MSI2: variants seen among roughly 807,000 people sequenced by gnomAD.
MSI2 encodes RNA-binding protein Musashi homolog 2.
In MSI2, 17 loss-of-function variants were observed where a neutral mutation model predicts 45.6. That is an observed-to-expected ratio of 0.37 (90% CI 0.26 to 0.56). The LOEUF is 0.56. Ranked by LOEUF, MSI2 falls within the 20% of genes least tolerant of loss-of-function variation. The probability of loss-of-function intolerance (pLI) is 0.77; values close to 1 mark genes in which losing one functional copy is unlikely to be tolerated. For synonymous variants in MSI2, 156 were observed against 158.2 expected (o/e 0.99, Z 0.11); for missense variants, 293 against 444.2 (o/e 0.66, Z 3.06).
At chr17:57,456,355 A>G (rs1292592797) in intron 6 of MSI2, among the ~76,000 whole-genome samples, 1 of 152,202 alleles carries the variant, frequency 6.6e-6, no homozygotes, top group Admixed American at 6.5e-5. Context: ...CACGCCTATA[A>G]TCCCAGCACT....
intron 6 of MSI2, among the ~76,000 whole-genome samples, chr17:57,439,881 T>G (rs1193398635): frequency 6.6e-6 from 1 of 151,988 alleles, no homozygotes; most frequent in African/African-American, 2.4e-5. Context: ...AGGGGAAAAT[T>G]GAAACAATGA....
chr17:57,649,299 AACAC>A (rs538925325), intron 10 of MSI2, among the ~76,000 whole-genome samples: 74 of 151,900 alleles, frequency 4.9e-4, no homozygotes, highest in African/African-American at 1.7e-3. Flanking sequence ...CAACAAACAC[AACAC>A]ACACAACACA....
chr17:57,363,026 T>G (rs578155583), intron 5 of MSI2, among the ~76,000 whole-genome samples: 6 of 152,288 alleles, frequency 3.9e-5, no homozygotes, highest in African/African-American at 1.4e-4. Context: ...ACATGAGAGA[T>G]TTGGAGGCAG....
chr17:57,614,348 C>T (rs910165909), intron 8 of MSI2, among the ~76,000 whole-genome samples: 3 of 152,276 alleles, frequency 2.0e-5, no homozygotes, highest in East Asian at 3.9e-4. Flanking sequence ...CCACCACGTC[C>T]GGCCTAGAGG....
At chr17:57,585,443 G>T (rs2088320258) in intron 7 of MSI2, among the ~76,000 whole-genome samples, 1 of 152,190 alleles carries the variant, frequency 6.6e-6, no homozygotes, top group Admixed American at 6.5e-5. Flanking sequence ...CACAGAGGAG[G>T]ATACCAAGGG....
At chr17:57,697,620 G>A in the MSI2 span, among the ~76,000 whole-genome samples, 3 of 152,168 alleles carry the variant, frequency 2.0e-5, no homozygotes, top group Admixed American at 2.0e-4. Flanking sequence ...AAGAAAAAGA[G>A]TTTTAAATGG....
At chr17:57,661,745 A>T (rs1289708249) in intron 11 of MSI2, among the ~76,000 whole-genome samples, 1 of 152,122 alleles carries the variant, frequency 6.6e-6, no homozygotes, top group East Asian at 1.9e-4. Flanking sequence ...ATTGTTTCCC[A>T]TTCCTTTGCC....
chr17:57,411,258 C>G (rs1158798748), intron 6 of MSI2, among the ~76,000 whole-genome samples: 1 of 152,210 alleles, frequency 6.6e-6, no homozygotes, highest in Non-Finnish European at 1.5e-5. Flanking sequence ...CTGCCTGCCT[C>G]AGCCTCCCAA....
At chr17:57,410,008 CAAA>C (rs59098048) in intron 6 of MSI2, among the ~76,000 whole-genome samples, 1,715 of 61,704 alleles carry the variant, frequency 0.028, 103 homozygotes, top group Middle Eastern at 0.098. Flanking sequence ...ACTCTGTCTC[CAAA>C]AAAAAAAAAA....
upstream of MSI2, among the ~76,000 whole-genome samples, chr17:57,256,210 C>T (rs1017243971): frequency 2.6e-5 from 4 of 152,112 alleles, no homozygotes; most frequent in Admixed American, 1.3e-4. Flanking sequence ...CCGCCCCCCG[C>T]AGCCCATGTG....
At chr17:57,281,969 C>T (rs944116187) in intron 5 of MSI2, among the ~76,000 whole-genome samples, 5 of 152,146 alleles carry the variant, frequency 3.3e-5, no homozygotes, top group African/African-American at 7.2e-5. Context: ...TTATGTGCAG[C>T]GAGGTTGGAG....
intron 6 of MSI2, among the ~76,000 whole-genome samples, chr17:57,452,491 C>T (rs1016787140): frequency 6.6e-6 from 1 of 152,196 alleles, no homozygotes; most frequent in South Asian, 2.1e-4. Context: ...TTAGTGGGTC[C>T]TGGACTCGTG....
intron 5 of MSI2, among the ~76,000 whole-genome samples, chr17:57,299,127 A>G (rs966078501): frequency 2.0e-5 from 3 of 152,218 alleles, no homozygotes; most frequent in Non-Finnish European, 4.4e-5. Context: ...CAGCCCTCAT[A>G]GAATTGAAGA....
At chr17:57,684,946 T>C (rs569823544), downstream of MSI2, among the ~76,000 whole-genome samples, 2 of 151,538 alleles carry the variant, frequency 1.3e-5, no homozygotes, top group Admixed American at 6.6e-5. Flanking sequence ...CAGCAGAAGG[T>C]ACACAGAACC....
intron 11 of MSI2, among the ~76,000 whole-genome samples, chr17:57,665,514 T>G (rs1235841209): frequency 6.6e-6 from 1 of 152,204 alleles, no homozygotes; most frequent in Non-Finnish European, 1.5e-5. Flanking sequence ...CTCCTGTGCT[T>G]TTATAATTAT....
chr17:57,295,925 A>G (rs1158378944), intron 5 of MSI2, among the ~76,000 whole-genome samples: 1 of 150,780 alleles, frequency 6.6e-6, no homozygotes, highest in African/African-American at 2.5e-5. Context: ...TCTTTCTAAA[A>G]GAATCTCATG....
chr17:57,396,894 T>C (rs1374690243), intron 5 of MSI2, among the ~76,000 whole-genome samples: 1 of 152,156 alleles, frequency 6.6e-6, no homozygotes, highest in East Asian at 1.9e-4. Context: ...GAGGGGGCTG[T>C]CCCCACATGG....
intron 6 of MSI2, among the ~76,000 whole-genome samples, chr17:57,471,420 A>G (rs1237062253): frequency 6.6e-6 from 1 of 151,154 alleles, no homozygotes; most frequent in Non-Finnish European, 1.5e-5. Flanking sequence ...CCGCCTGAGT[A>G]GCTGGGATTA....
At chr17:57,442,140 G>A (rs1014310896) in intron 6 of MSI2, among the ~76,000 whole-genome samples, 2 of 151,704 alleles carry the variant, frequency 1.3e-5, no homozygotes, top group African/African-American at 2.4e-5. Flanking sequence ...GGGTTCAAGC[G>A]ATTCTCCTGC....
Sources: gnomAD v4.1 joint callset for allele counts (sites outside exome capture counted in the v4.1 genomes callset) on GRCh38, gnomAD v4.1.1 for gene constraint, MANE v1.5 for transcripts, NCBI Gene and HGNC (gene_info 2026-07-23, HGNC 2026-07-21) for gene names.